RANBP2: variants seen among roughly 807,000 people sequenced by gnomAD.
RANBP2 encodes the protein E3 SUMO-protein ligase RanBP2.
In RANBP2, 57 loss-of-function variants were observed where a neutral mutation model predicts 303.6. The ratio of observed to expected loss-of-function variants is 0.19; its 90% CI spans 0.15 to 0.23. The LOEUF (loss-of-function observed/expected upper bound fraction) is 0.23, where lower values mean the gene tolerates loss of function less well. Among genes scored for constraint, RANBP2 ranks in the 10% least tolerant of loss-of-function variants. RANBP2 has a pLI of 1.00. For synonymous variants in RANBP2, 1,167 were observed against 1,301.5 expected, an observed-to-expected ratio of 0.90 and a Z score of 2.23; for missense variants, 3,138 against 3,780.8, an observed-to-expected ratio of 0.83 and a Z score of 4.46.
At position 108,781,433 on chromosome 2, in the gene RANBP2, A is replaced by C; in HGVS notation, c.8760+4A>C. ...ACCAATAGTGTCACTACCAGAGGTA[A>C]ATGTTAAGGAATTAACCTTTTACTA... On this transcript the variant is annotated splice_donor_region_variant and intron_variant, in intron 26 of 28. Coordinates refer to ENST00000283195, the MANE Select transcript of RANBP2 (RefSeq NM_006267.5). The C allele has an allele frequency of 1.2e-6, 2 of 1,613,810 alleles. No homozygotes were observed. Among genetic ancestry groups the C allele is most frequent in the Non-Finnish European group, 1.7e-6 (2 of 1,179,710 alleles).
At chr2:108,940,816 G>C in the RANBP2 span, among the ~76,000 whole-genome samples, 1 of 152,228 alleles carries the variant, frequency 6.6e-6, no homozygotes, top group African/African-American at 2.4e-5. Flanking sequence ...TTGATGTCCT[G>C]ATTAGTGGCA....
At chr2:108,890,110 T>C in the RANBP2 span, among the ~76,000 whole-genome samples, 1 of 142,956 alleles carries the variant, frequency 7.0e-6, no homozygotes, top group Non-Finnish European at 1.5e-5. Flanking sequence ...TTTTGCTGGA[T>C]ATAGTATTCT....
chr2:109,428,336 G>A, the RANBP2 span, among the ~76,000 whole-genome samples: 2 of 152,260 alleles, frequency 1.3e-5, no homozygotes, highest in African/African-American at 4.8e-5. Context: ...CAGACAATTA[G>A]CAGCAAGTAA....
chr2:109,041,344 G>A, the RANBP2 span, among the ~76,000 whole-genome samples: 1 of 152,086 alleles, frequency 6.6e-6, no homozygotes, highest in South Asian at 2.1e-4. Flanking sequence ...ATGTTGAATA[G>A]GGACACTGAT....
the RANBP2 span, among the ~76,000 whole-genome samples, chr2:109,055,517 T>C: frequency 1.3e-5 from 2 of 149,974 alleles, no homozygotes; most frequent in African/African-American, 4.8e-5. Context: ...CATGCCACCG[T>C]GTCCGGCTAA....
chr2:109,591,937 C>T, the RANBP2 span, among the ~76,000 whole-genome samples: 1 of 151,998 alleles, frequency 6.6e-6, no homozygotes, highest in Non-Finnish European at 1.5e-5. Context: ...TACTGAATTA[C>T]CTATGTTTGT....
the RANBP2 span, among the ~76,000 whole-genome samples, chr2:108,998,747 ATTTTTTT>A: frequency 2.0e-5 from 3 of 146,346 alleles, no homozygotes; most frequent in South Asian, 6.5e-4. Flanking sequence ...AAAGATCTGG[ATTTTTTT>A]TTTTTTTAAG....
At chr2:109,396,057 G>T in the RANBP2 span, among the ~76,000 whole-genome samples, 1 of 152,142 alleles carries the variant, frequency 6.6e-6, no homozygotes, top group Non-Finnish European at 1.5e-5. Context: ...TGTTTAGAAC[G>T]TGCTCCGATG....
the RANBP2 span, chr2:109,667,876 C>A: frequency 1.1e-5 from 1 of 92,766 alleles, no homozygotes; most frequent in East Asian, 2.7e-4. Flanking sequence ...CATTTTAAAG[C>A]ACTCCTCAAG....
chr2:109,622,897 G>T, the RANBP2 span, among the ~76,000 whole-genome samples: 1 of 152,190 alleles, frequency 6.6e-6, no homozygotes, highest in Non-Finnish European at 1.5e-5. Context: ...GGAGGCTGAG[G>T]CAGGTGGATC....
At chr2:109,404,945 T>G in the RANBP2 span, among the ~76,000 whole-genome samples, 1 of 152,054 alleles carries the variant, frequency 6.6e-6, no homozygotes, top group Non-Finnish European at 1.5e-5. Flanking sequence ...TTCTTTCCAG[T>G]GGAGCCCCGT....
At chr2:109,572,258 G>T in the RANBP2 span, among the ~76,000 whole-genome samples, 1 of 152,064 alleles carries the variant, frequency 6.6e-6, no homozygotes, top group Non-Finnish European at 1.5e-5. Context: ...AGTCTCCCGA[G>T]TAGCCGGGAC....
chr2:109,643,978 G>A, the RANBP2 span, among the ~76,000 whole-genome samples: 19 of 150,068 alleles, frequency 1.3e-4, no homozygotes, highest in African/African-American at 3.9e-4. Flanking sequence ...AAAATTAGCC[G>A]GGCATGGTGG....
chr2:109,129,346 GGCCGGTCCCC>G, the RANBP2 span: 4 of 628,004 alleles, frequency 6.4e-6, no homozygotes, highest in African/African-American at 6.7e-5. Flanking sequence ...CCGCCACGCA[GGCCGGTCCCC>G]GCCACGCAGG....
At chr2:108,768,843 G>A (rs1677298168) in intron 20 of RANBP2, among the ~76,000 whole-genome samples, 1 of 152,074 alleles carries the variant, frequency 6.6e-6, no homozygotes, top group African/African-American at 2.4e-5. Context: ...GACCAGCCTG[G>A]CCAGCATGGT....
the RANBP2 span, among the ~76,000 whole-genome samples, chr2:109,201,434 A>G: frequency 6.6e-6 from 1 of 152,034 alleles, no homozygotes; most frequent in South Asian, 2.1e-4. Flanking sequence ...ACATCCAGGT[A>G]TCTCAGCCGC....
chr2:109,387,785 C>T, the RANBP2 span, among the ~76,000 whole-genome samples: 339 of 152,300 alleles, frequency 2.2e-3, 2 homozygotes, highest in African/African-American at 7.5e-3. Context: ...TTTCACAGTG[C>T]TAAGCAGAGC....
chr2:109,456,466 A>G, the RANBP2 span, among the ~76,000 whole-genome samples: 5 of 152,354 alleles, frequency 3.3e-5, no homozygotes, highest in Middle Eastern at 3.4e-3. Context: ...CACTGGTGAC[A>G]GGAGTGGCAA....
At chr2:109,727,641 C>T in the RANBP2 span, among the ~76,000 whole-genome samples, 65 of 152,328 alleles carry the variant, frequency 4.3e-4, no homozygotes, top group South Asian at 0.012. Flanking sequence ...CACCCCTCTA[C>T]AGAGAGCACA....
Sources: allele counts gnomAD v4.1 joint callset (sites outside exome capture counted in the v4.1 genomes callset), GRCh38; gene constraint gnomAD v4.1.1; transcripts MANE v1.5; gene names NCBI Gene and HGNC (gene_info 2026-07-23, HGNC 2026-07-21).